Variants in COL2A1 observed in about 807,000 individuals in gnomAD.
COL2A1 encodes collagen alpha-1(II) chain.
COL2A1 carries 28 observed loss-of-function variants against 204.5 expected under a neutral mutation model. The observed-to-expected ratio is 0.14, with a 90% CI of 0.10 to 0.19. The LOEUF (loss-of-function observed/expected upper bound fraction) is 0.19, where lower values mean the gene tolerates loss of function less well. Among genes scored for constraint, COL2A1 ranks in the 10% least tolerant of loss-of-function variants. The probability of loss-of-function intolerance (pLI) is 1.00; values close to 1 mark genes in which losing one functional copy is unlikely to be tolerated. For synonymous variants in COL2A1, 708 were observed against 718.7 expected (o/e 0.99, Z 0.24); for missense variants, 1,388 against 2,027.5 (o/e 0.68, Z 6.06).
At chr12:47,979,899 G>T (rs553601952) in intron 40 of COL2A1, 110 bp downstream of exon 40, 1 of 1,026,726 alleles carries the variant, frequency 9.7e-7, no homozygotes, top group Non-Finnish European at 1.4e-6. Flanking sequence ...GGGGACCAAC[G>T]CAGGGCTGGG....
In COL2A1 at chr12:47,974,141, C is replaced by A. The variant is rs745349011; in HGVS notation, c.4265G>T (p.Arg1422Leu). The A allele has an allele frequency of 1.2e-6, 2 of 1,613,668 alleles. No homozygotes were observed. Among genetic ancestry groups the A allele is most frequent in the African/African-American group, 1.3e-5 (1 of 74,746 alleles). Residue 1422 changes from arginine (R) to leucine (L), a missense_variant, in exon 53 of 54, where the codon CGG (arginine) becomes CTG (leucine). Arg to Leu is a moderately radical substitution (Grantham distance 102). Transcript: ENST00000380518. Reference sequence around the variant, plus strand: ...CGTGAACCTGCTATTGCCCTCTGCCCGGATCTCCACGTCATTGGAGCCCTG... The same window carrying A: ...CGTGAACCTGCTATTGCCCTCTGCCAGGATCTCCACGTCATTGGAGCCCTG... ...LIQGSNDVEI[R>L]AEGNSRFTYT...
upstream of COL2A1, chr12:48,004,516 C>T (rs1039735612): frequency 1.9e-6 from 1 of 518,832 alleles, no homozygotes; most frequent in Non-Finnish European, 3.4e-6. Flanking sequence ...TGCGCCCGGC[C>T]CCTTTCGAGG....
At chr12:48,004,123 C>T (rs764600750) in intron 1 of COL2A1, 114 bp downstream of exon 1, 58 of 781,658 alleles carry the variant, frequency 7.4e-5, no homozygotes, top group Non-Finnish European at 1.2e-4. Flanking sequence ...GCTACGACCC[C>T]GGGAGCCGTT....
intron 36 of COL2A1, 110 bp from the exon 37 acceptor site, chr12:47,981,506 C>T: frequency 2.9e-6 from 3 of 1,024,854 alleles, no homozygotes; most frequent in East Asian, 5.2e-5. Context: ...GCTCCAGGTC[C>T]CCCTGGCACA....
intron 18 of COL2A1, among the ~76,000 whole-genome samples, chr12:47,988,758 A>G (rs2136585280): frequency 6.6e-6 from 1 of 152,358 alleles, no homozygotes; most frequent in Admixed American, 6.5e-5. Context: ...CTCCGTTAAC[A>G]TGGTTTGGAA....
intron 25 of COL2A1, 55 bp downstream of exon 25, chr12:47,985,673 G>T: frequency 6.2e-7 from 1 of 1,609,944 alleles, no homozygotes; most frequent in Non-Finnish European, 8.5e-7. Flanking sequence ...GAAGGAGCCA[G>T]CCAGGAAGGG....
chr12:48,000,653 G>A (rs1462346320), intron 1 of COL2A1, among the ~76,000 whole-genome samples: 1 of 152,192 alleles, frequency 6.6e-6, no homozygotes, highest in Non-Finnish European at 1.5e-5. Context: ...CATTCAGAGG[G>A]AATGTAGAAA....
intron 53 of COL2A1, 97 bp downstream of exon 53, chr12:47,973,991 TG>T (rs1196797539): frequency 1.3e-6 from 2 of 1,570,126 alleles, no homozygotes; most frequent in African/African-American, 2.7e-5. Context: ...CTGATGATCC[TG>T]TCACTTTAGG....
intron 30 of COL2A1, 71 bp downstream of exon 30, chr12:47,983,612 T>C: frequency 6.5e-7 from 1 of 1,530,040 alleles, no homozygotes; most frequent in South Asian, 1.2e-5. Flanking sequence ...CCACCGATAG[T>C]GCCTGCTGCT....
intron 17 of COL2A1, among the ~76,000 whole-genome samples, chr12:47,989,482 T>C (rs1262814592): frequency 6.6e-6 from 1 of 152,182 alleles, no homozygotes; most frequent in African/African-American, 2.4e-5. Context: ...GCAAAGCAAG[T>C]TTCTGACTAC....
rs766955609 is a variant in COL2A1, at chr12:47,973,567, AAGG to A, written c.4318-17_4318-15del. ...ACCGGTATGTTTCTAGGGGAGAAAA[AAGG>A]AGGAGGCTCTGTTCAGTAGATGCCT... On this transcript the variant is annotated splice_polypyrimidine_tract_variant and intron_variant, in intron 53 of 53. Coordinates refer to ENST00000380518, the MANE Select transcript of COL2A1 (RefSeq NM_001844.5). 38 of 1,613,980 alleles carry A rather than the reference AAGG, an allele frequency of 2.4e-5. No homozygotes were observed. Among genetic ancestry groups the A allele is most frequent in the Non-Finnish European group, 3.1e-5 (37 of 1,179,974 alleles).
rs1380068380 is a variant in COL2A1, at chr12:47,986,828, T to C, written c.1419+7A>G. 1 of 1,614,160 alleles carries C rather than the reference T, an allele frequency of 6.2e-7. No homozygotes were observed. ...GAGAAGACAAGGGCTTGGGGGCAGATACTCACAGGTTCTCCCTTGGGGCCT... is the reference window on the plus strand; with the variant it reads ...GAGAAGACAAGGGCTTGGGGGCAGACACTCACAGGTTCTCCCTTGGGGCCT... On this transcript the variant is annotated splice_region_variant and intron_variant, in intron 22 of 53. Coordinates refer to ENST00000380518, the MANE Select transcript of COL2A1 (RefSeq NM_001844.5).
At chr12:47,974,062 G>A in intron 53 of COL2A1, 27 bp downstream of exon 53, 1 of 1,614,140 alleles carries the variant, frequency 6.2e-7, no homozygotes, top group Non-Finnish European at 8.5e-7. Flanking sequence ...GGCACAGGCA[G>A]CTCTTCTCTC....
intron 36 of COL2A1, 41 bp downstream of exon 36, chr12:47,981,735 C>CAGGGAGGCAAGGTGT (rs1289000575): frequency 6.5e-7 from 1 of 1,544,142 alleles, no homozygotes; most frequent in Non-Finnish European, 8.8e-7. Flanking sequence ...GGAGGTGTGA[C>CAGGGAGGCAAGGTGT]AGGGAGGCAA....
intron 45 of COL2A1, 77 bp from the exon 46 acceptor site, chr12:47,977,504 A>G: frequency 1.3e-6 from 2 of 1,590,022 alleles, no homozygotes; most frequent in Non-Finnish European, 1.7e-6. Flanking sequence ...CTAGGCTGAG[A>G]TGAGACTTGT....
At chr12:48,002,776 T>C (rs1334329824) in intron 1 of COL2A1, 1 of 152,232 alleles carries the variant, frequency 6.6e-6, no homozygotes, top group East Asian at 1.9e-4. Flanking sequence ...CACGCTGTAT[T>C]CCTCAAATGC....
At chr12:47,988,953 G>A (rs576121069) in intron 18 of COL2A1, among the ~76,000 whole-genome samples, 3 of 152,338 alleles carry the variant, frequency 2.0e-5, no homozygotes, top group Admixed American at 6.5e-5. Flanking sequence ...CAGGCCTATG[G>A]TGTATCCCCG....
intron 37 of COL2A1, 61 bp from the exon 38 acceptor site, chr12:47,981,029 C>T: frequency 5.3e-6 from 8 of 1,495,526 alleles, no homozygotes; most frequent in Non-Finnish European, 7.3e-6. Context: ...CTTCTGCTCC[C>T]CTCCAAGAGC....
Position 47,973,017 on chromosome 12 carries a change from T to C in COL2A1, c.*390A>G. On this transcript the variant is annotated 3_prime_UTR_variant, in exon 54 of 54. Coordinates refer to ENST00000380518, the MANE Select transcript of COL2A1 (RefSeq NM_001844.5). ...TAATATCAATTGATGTTTTAAAAAA[T>C]ACAGAGGTGTTTGACACAGAATAGC... is the stretch of plus-strand genomic sequence containing the variant. 1 of 513,486 alleles carries C rather than the reference T, an allele frequency of 1.9e-6. No homozygotes were observed. Among genetic ancestry groups the C allele is most frequent in the Non-Finnish European group, 3.4e-6 (1 of 292,722 alleles). 31.8% of individuals were successfully genotyped at this position (513,486 alleles called of 1,614,324 possible).
Sources: allele counts gnomAD v4.1 joint callset (sites outside exome capture counted in the v4.1 genomes callset), GRCh38; gene constraint gnomAD v4.1.1; transcripts MANE v1.5; gene names NCBI Gene and HGNC (gene_info 2026-07-23, HGNC 2026-07-21).